The following PRKG1 variants were observed in gnomAD, a reference collection of about 807,000 sequenced individuals.
PRKG1 encodes the protein cGMP-dependent protein kinase 1.
PRKG1 carries 35 observed loss-of-function variants against 88.1 expected under a neutral mutation model. The ratio of observed to expected loss-of-function variants is 0.40; its 90% CI spans 0.30 to 0.53. The LOEUF (loss-of-function observed/expected upper bound fraction) is 0.53, where lower values mean the gene tolerates loss of function less well. PRKG1 is among the 20% of genes least tolerant of loss of function. The pLI is 0.59. For missense variants in PRKG1, 540 were observed against 839.8 expected (o/e 0.64, Z 4.41); for synonymous variants, 303 against 292.5 (o/e 1.04, Z -0.37).
intron 7 of PRKG1, among the ~76,000 whole-genome samples, chr10:52,093,230 A>G (rs111531658): frequency 1.9e-3 from 285 of 152,224 alleles, no homozygotes; most frequent in Non-Finnish European, 3.1e-3. Flanking sequence ...TTGTTTCTTT[A>G]GGTGAAAATT....
chr10:52,279,571 T>A (rs981532196), intron 12 of PRKG1, among the ~76,000 whole-genome samples: 1 of 152,180 alleles, frequency 6.6e-6, no homozygotes, highest in African/African-American at 2.4e-5. Context: ...AAGTGGCTGC[T>A]TTAGCCTTGA....
chr10:52,019,020 G>A (rs547459002), intron 5 of PRKG1, among the ~76,000 whole-genome samples: 3 of 152,162 alleles, frequency 2.0e-5, no homozygotes, highest in Non-Finnish European at 2.9e-5. Flanking sequence ...GAGAATGCAA[G>A]ATTGGATATT....
intron 2 of PRKG1, among the ~76,000 whole-genome samples, chr10:51,387,156 A>G (rs1223165180): frequency 6.6e-6 from 1 of 151,984 alleles, no homozygotes; most frequent in African/African-American, 2.4e-5. Flanking sequence ...ATACAGAACT[A>G]ATAAGTGGCT....
At chr10:52,213,443 C>G (rs779089314) in intron 9 of PRKG1, among the ~76,000 whole-genome samples, 3 of 152,096 alleles carry the variant, frequency 2.0e-5, no homozygotes, top group Non-Finnish European at 4.4e-5. Flanking sequence ...TAGTGAAGCT[C>G]AAGGAAAAAG....
chr10:51,278,115 G>T (rs982263892), intron 2 of PRKG1, among the ~76,000 whole-genome samples: 1 of 151,988 alleles, frequency 6.6e-6, no homozygotes, highest in African/African-American at 2.4e-5. Flanking sequence ...CTTATCATTT[G>T]GAGATACGTC....
At chr10:52,291,208 A>G (rs1359975748) in intron 17 of PRKG1, among the ~76,000 whole-genome samples, 1 of 151,428 alleles carries the variant, frequency 6.6e-6, no homozygotes, top group East Asian at 2.0e-4. Flanking sequence ...AGACGTGAGC[A>G]CCGCGCTGGG....
At chr10:52,069,070 T>A (rs2133282020) in intron 7 of PRKG1, among the ~76,000 whole-genome samples, 1 of 147,738 alleles carries the variant, frequency 6.8e-6, no homozygotes, top group South Asian at 2.2e-4. Context: ...TTCATGTTAA[T>A]GCAAAAATGA....
chr10:51,029,788 A>G (rs1362043194), intron 1 of PRKG1, among the ~76,000 whole-genome samples: 1 of 152,174 alleles, frequency 6.6e-6, no homozygotes, highest in Non-Finnish European at 1.5e-5. Context: ...AGTGCAAAAC[A>G]TTACACGAAT....
chr10:51,400,598 G>T (rs293237), intron 2 of PRKG1, among the ~76,000 whole-genome samples: 2 of 152,134 alleles, frequency 1.3e-5, no homozygotes, highest in African/African-American at 2.4e-5. Flanking sequence ...GACTCTTAAG[G>T]GATTCAGTAA....
chr10:51,355,983 C>A (rs1842358075), intron 2 of PRKG1, among the ~76,000 whole-genome samples: 2 of 152,128 alleles, frequency 1.3e-5, no homozygotes, highest in South Asian at 2.1e-4. Context: ...AATGTTAGCA[C>A]TTCTTTATAT....
intron 5 of PRKG1, among the ~76,000 whole-genome samples, chr10:51,972,934 G>C (rs1589471971): frequency 6.6e-6 from 1 of 152,056 alleles, no homozygotes; most frequent in Non-Finnish European, 1.5e-5. Context: ...TGAACACGAA[G>C]CCTCCCAGGA....
chr10:51,682,546 C>T (rs1840877229), intron 3 of PRKG1, among the ~76,000 whole-genome samples: 1 of 152,176 alleles, frequency 6.6e-6, no homozygotes, highest in Admixed American at 6.5e-5. Flanking sequence ...CTAGAGTTTC[C>T]ATGCCCATGG....
chr10:51,687,257 T>C (rs1841019109), intron 3 of PRKG1, among the ~76,000 whole-genome samples: 1 of 152,234 alleles, frequency 6.6e-6, no homozygotes, highest in Admixed American at 6.5e-5. Flanking sequence ...AATTGCAGTA[T>C]AGAGTTTTGC....
intron 3 of PRKG1, among the ~76,000 whole-genome samples, chr10:51,673,064 C>T (rs1840623885): frequency 6.6e-6 from 1 of 152,142 alleles, no homozygotes; most frequent in Non-Finnish European, 1.5e-5. Flanking sequence ...AAAAAACCTC[C>T]AGAGCCATCC....
intron 14 of PRKG1, among the ~76,000 whole-genome samples, chr10:52,283,729 A>G (rs1377185501): frequency 2.6e-5 from 4 of 152,050 alleles, no homozygotes; most frequent in Non-Finnish European, 5.9e-5. Context: ...AGATATGAAA[A>G]ATTTGGACAA....
intron 3 of PRKG1, among the ~76,000 whole-genome samples, chr10:51,534,504 TA>T: frequency 1.3e-5 from 2 of 151,458 alleles, no homozygotes; most frequent in Middle Eastern, 6.8e-3. Flanking sequence ...TCGTCTCTCC[TA>T]AAAATACAAA....
At chr10:51,847,040 A>G (rs557724087) in intron 4 of PRKG1, among the ~76,000 whole-genome samples, 4 of 152,290 alleles carry the variant, frequency 2.6e-5, no homozygotes, top group Non-Finnish European at 4.4e-5. Flanking sequence ...TGAGACAGTC[A>G]TGAGAGCTTT....
At chr10:51,504,342 G>A (rs1245748858) in intron 3 of PRKG1, among the ~76,000 whole-genome samples, 1 of 152,176 alleles carries the variant, frequency 6.6e-6, no homozygotes, top group South Asian at 2.1e-4. Flanking sequence ...CTCTGTTTTG[G>A]TACCAGTACC....
chr10:51,922,500 T>C (rs1196459735), intron 5 of PRKG1, among the ~76,000 whole-genome samples: 2 of 151,908 alleles, frequency 1.3e-5, no homozygotes, highest in Non-Finnish European at 2.9e-5. Flanking sequence ...TATTTATTTT[T>C]AGATCTTTCT....
Sources: gnomAD v4.1 joint callset for allele counts (sites outside exome capture counted in the v4.1 genomes callset) on GRCh38, gnomAD v4.1.1 for gene constraint, MANE v1.5 for transcripts, NCBI Gene and HGNC (gene_info 2026-07-23, HGNC 2026-07-21) for gene names.